Variants in SIPA1L2 observed in about 807,000 individuals in gnomAD.
SIPA1L2 encodes the protein signal induced proliferation associated 1 like 2.
Under a neutral mutation model 163.9 loss-of-function variants are expected in SIPA1L2, and 56 were observed. The observed-to-expected ratio is 0.34, with a 90% CI of 0.28 to 0.43. The LOEUF (loss-of-function observed/expected upper bound fraction) is 0.43. SIPA1L2 is among the 20% of genes least tolerant of loss of function. The pLI is 1.00. For synonymous variants in SIPA1L2, 877 were observed against 865.7 expected, an observed-to-expected ratio of 1.01 and a Z score of -0.23; for missense variants, 1,974 against 2,193.5, an observed-to-expected ratio of 0.90 and a Z score of 2.00.
chr1:232,544,426 G>T (rs1302658337), intron 2 of SIPA1L2, among the ~76,000 whole-genome samples: 1 of 152,128 alleles, frequency 6.6e-6, no homozygotes, highest in Admixed American at 6.5e-5. Context: ...CAGGCGTGGT[G>T]GCAGGCGCCT....
intron 14 of SIPA1L2, among the ~76,000 whole-genome samples, chr1:232,439,870 T>C (rs1662787733): frequency 6.6e-6 from 1 of 152,144 alleles, no homozygotes; most frequent in Non-Finnish European, 1.5e-5. Flanking sequence ...AGAAAATGCT[T>C]CATGACAAAT....
chr1:232,467,680 G>T (rs558356921), intron 8 of SIPA1L2, among the ~76,000 whole-genome samples: 1 of 152,228 alleles, frequency 6.6e-6, no homozygotes, highest in African/African-American at 2.4e-5. Flanking sequence ...TTTCAACAGT[G>T]AGTACAGATT....
chr1:232,440,305 T>C (rs1662811761), intron 14 of SIPA1L2, among the ~76,000 whole-genome samples: 1 of 152,214 alleles, frequency 6.6e-6, no homozygotes, highest in Non-Finnish European at 1.5e-5. Context: ...GCAAAGGGCT[T>C]TGGAATCATA....
chr1:232,500,266 T>C (rs114043541), intron 3 of SIPA1L2, among the ~76,000 whole-genome samples: 1,609 of 152,372 alleles, frequency 0.011, 31 homozygotes, highest in African/African-American at 0.037. Context: ...TAACACCACA[T>C]TCATTCTGTA....
intron 1 of SIPA1L2, among the ~76,000 whole-genome samples, chr1:232,613,709 CGT>C (rs368352438): frequency 6.9e-4 from 105 of 152,120 alleles, no homozygotes; most frequent in Non-Finnish European, 1.4e-3. Flanking sequence ...TATGTGTGTG[CGT>C]GTGTGTGTAT....
At chr1:232,531,884 G>C (rs892338645) in intron 2 of SIPA1L2, among the ~76,000 whole-genome samples, 1 of 152,078 alleles carries the variant, frequency 6.6e-6, no homozygotes, top group Non-Finnish European at 1.5e-5. Flanking sequence ...GGGAGGAGGG[G>C]AAGGAGCTCC....
At chr1:232,427,703 G>A (rs1283739861) in intron 17 of SIPA1L2, among the ~76,000 whole-genome samples, 1 of 152,212 alleles carries the variant, frequency 6.6e-6, no homozygotes, top group East Asian at 1.9e-4. Flanking sequence ...AAGCCAATAA[G>A]CAAGCTAACA....
intron 3 of SIPA1L2, among the ~76,000 whole-genome samples, chr1:232,502,682 C>T (rs1425630557): frequency 6.6e-6 from 1 of 152,182 alleles, no homozygotes; most frequent in African/African-American, 2.4e-5. Flanking sequence ...GATGAAGTTC[C>T]TGCTGTTTAC....
intron 2 of SIPA1L2, among the ~76,000 whole-genome samples, chr1:232,557,232 G>A (rs1478903441): frequency 2.0e-5 from 3 of 152,136 alleles, no homozygotes; most frequent in Non-Finnish European, 2.9e-5. Context: ...TACAGTGAAC[G>A]CCTGCCAGGG....
chr1:232,413,090 T>C (rs2102771178), intron 19 of SIPA1L2, among the ~76,000 whole-genome samples: 1 of 152,356 alleles, frequency 6.6e-6, no homozygotes, highest in East Asian at 1.9e-4. Flanking sequence ...GAAATACTTG[T>C]TGATAATGAA....
At position 232,479,720 on chromosome 1, in the gene SIPA1L2, C is replaced by G; in HGVS notation, c.1992G>C (p.Thr664=). Residue 664 remains threonine, a synonymous_variant, in exon 7 of 23, where the codon ACG becomes ACC. Coordinates refer to ENST00000674635, the MANE Select transcript of SIPA1L2 (RefSeq NM_020808.5). ...ATGTGGTATAGAGAGAGTGCGTGCC[C>G]GTGGAATCAGCTGAAAACAAAGATG... ...RAQLDNKTDS[T]GTHSLYTTYK... 1 of 1,612,960 alleles carries G rather than the reference C, an allele frequency of 6.2e-7. No individual in the cohort carries two copies. The highest frequency in any genetic ancestry group is 2.2e-5 in the East Asian group (1 of 44,850).
chr1:232,477,497 G>A (rs1277268717), intron 7 of SIPA1L2, among the ~76,000 whole-genome samples: 1 of 152,118 alleles, frequency 6.6e-6, no homozygotes, highest in Non-Finnish European at 1.5e-5. Context: ...TGGGCACACA[G>A]GGACACTTCA....
chr1:232,622,176 T>C (rs1047250144), intron 1 of SIPA1L2, among the ~76,000 whole-genome samples: 14 of 152,218 alleles, frequency 9.2e-5, no homozygotes, highest in African/African-American at 2.4e-5. Context: ...TATACACAAA[T>C]GTAAACAAAT....
intron 3 of SIPA1L2, among the ~76,000 whole-genome samples, chr1:232,499,588 C>G (rs775883197): frequency 6.6e-6 from 1 of 152,212 alleles, no homozygotes; most frequent in Admixed American, 6.5e-5. Flanking sequence ...GCTATCTCCA[C>G]GCGGTAAGTG....
At chr1:232,627,693 C>T (rs1663156737) in intron 1 of SIPA1L2, among the ~76,000 whole-genome samples, 1 of 152,146 alleles carries the variant, frequency 6.6e-6, no homozygotes, top group African/African-American at 2.4e-5. Flanking sequence ...ACATAAAAAG[C>T]ATCTAATGAA....
Position 232,462,285 on chromosome 1 carries a change from T to C in SIPA1L2, c.2821-1124A>G, listed in dbSNP as rs1664280838. On this transcript the variant is annotated intron_variant, in intron 9 of 22. Transcript: ENST00000674635. ...TCACCTATCTGTGGGAATTTCAAGT[T>C]GGGAGGTATCATACTCCTATCCCCA... 5.1e-5 allele frequency: 79 copies of C among 1,550,396 alleles called. No homozygotes were observed. The South Asian group carries it at 9.2e-4, about 18-fold the overall frequency.
chr1:232,576,359 T>C (rs1026475013), intron 1 of SIPA1L2, among the ~76,000 whole-genome samples: 1 of 152,242 alleles, frequency 6.6e-6, no homozygotes, highest in Non-Finnish European at 1.5e-5. Context: ...TATGGTGACC[T>C]GTGATCAGCG....
chr1:232,603,082 A>G (rs1333744506), intron 1 of SIPA1L2, among the ~76,000 whole-genome samples: 1 of 152,194 alleles, frequency 6.6e-6, no homozygotes, highest in Non-Finnish European at 1.5e-5. Context: ...GTGACCAACC[A>G]GACACGTGGT....
intron 1 of SIPA1L2, among the ~76,000 whole-genome samples, chr1:232,622,897 G>A (rs1347801442): frequency 9.2e-5 from 14 of 152,154 alleles, no homozygotes; most frequent in Non-Finnish European, 1.8e-4. Flanking sequence ...GTTCTTTTAC[G>A]TTCAACCCAC....
Sources: gnomAD v4.1 joint callset for allele counts (sites outside exome capture counted in the v4.1 genomes callset) on GRCh38, gnomAD v4.1.1 for gene constraint, MANE v1.5 for transcripts, NCBI Gene and HGNC (gene_info 2026-07-23, HGNC 2026-07-21) for gene names.